HAO1: variants seen among roughly 807,000 people sequenced by gnomAD.
HAO1 encodes the protein hydroxyacid oxidase 1.
In HAO1, 34 loss-of-function variants were observed where a neutral mutation model predicts 39.7. That is an observed-to-expected ratio of 0.86 (90% CI 0.65 to 1.14). HAO1 has a LOEUF of 1.14. Among genes scored for constraint, HAO1 ranks in the 50% most tolerant of loss-of-function variants. The pLI is 0.00. For synonymous variants in HAO1, 172 were observed against 173.2 expected, an observed-to-expected ratio of 0.99 and a Z score of 0.05; for missense variants, 479 against 464.5, an observed-to-expected ratio of 1.03 and a Z score of -0.29.
intron 2 of HAO1, among the ~76,000 whole-genome samples, chr20:7,915,817 G>A (rs114581158): frequency 0.031 from 4,718 of 152,196 alleles, 204 homozygotes; most frequent in African/African-American, 0.1. Flanking sequence ...TATCAAATTT[G>A]TACAATTCTA....
At chr20:7,924,264 C>G (rs1360601681) in intron 2 of HAO1, among the ~76,000 whole-genome samples, 1 of 151,914 alleles carries the variant, frequency 6.6e-6, no homozygotes. Context: ...ATTTGTCCAG[C>G]TTCCTAGATC....
intron 3 of HAO1, among the ~76,000 whole-genome samples, chr20:7,908,485 A>G (rs2050259869): frequency 6.6e-6 from 1 of 152,136 alleles, no homozygotes; most frequent in Admixed American, 6.6e-5. Flanking sequence ...CTTTAATAGA[A>G]AACTATGATT....
intron 4 of HAO1, among the ~76,000 whole-genome samples, chr20:7,895,605 A>T (rs1365126718): frequency 1.3e-5 from 2 of 152,020 alleles, no homozygotes; most frequent in East Asian, 3.8e-4. Context: ...AAAAAAAAAA[A>T]AAACATAAAA....
rs538614577 is a variant in HAO1 at position 7,883,281 on chromosome 20, A to G, written c.*312T>C. 8.7e-6 allele frequency: 3 copies of G among 344,100 alleles called. No individual in the cohort carries two copies. Among genetic ancestry groups the G allele is most frequent in the Admixed American group, 4.1e-5 (1 of 24,664 alleles). The allele number at this position is 344,100 out of a possible 1,614,324, so 21.3% of individuals were successfully genotyped here. On this transcript the variant is annotated 3_prime_UTR_variant, in exon 8 of 8. Coordinates refer to ENST00000378789, the MANE Select transcript of HAO1 (RefSeq NM_017545.3). Reference sequence around the variant, plus strand: ...TTTCACCTTAGTGTTTGCTACCTCCAATTTTACTAAAGGATACAGCACTTT... The same window carrying G: ...TTTCACCTTAGTGTTTGCTACCTCCGATTTTACTAAAGGATACAGCACTTT...
intron 1 of HAO1, among the ~76,000 whole-genome samples, chr20:7,936,547 T>TGTGTGTGTG (rs751822933): frequency 8.6e-4 from 118 of 136,596 alleles, no homozygotes; most frequent in Middle Eastern, 4.0e-3. Context: ...TGTGTGTGTG[T>TGTGTGTGTG]TCGCGCGCGC....
chr20:7,929,878 G>A (rs992442681), intron 2 of HAO1, among the ~76,000 whole-genome samples: 4 of 152,018 alleles, frequency 2.6e-5, no homozygotes, highest in African/African-American at 7.2e-5. Context: ...AATAAGAGTC[G>A]AGCTCAGTTC....
intron 4 of HAO1, among the ~76,000 whole-genome samples, chr20:7,903,774 G>T (rs1424409104): frequency 6.7e-6 from 1 of 149,502 alleles, no homozygotes; most frequent in Non-Finnish European, 1.5e-5. Context: ...TGGTGATAAT[G>T]GTGATGGGAG....
intron 2 of HAO1, among the ~76,000 whole-genome samples, chr20:7,928,637 G>A (rs904571654): frequency 3.9e-5 from 6 of 152,008 alleles, no homozygotes; most frequent in Admixed American, 1.3e-4. Flanking sequence ...TCCTTGGGAC[G>A]TGGCATTCAA....
At chr20:7,899,965 A>T (rs1246719091) in intron 4 of HAO1, among the ~76,000 whole-genome samples, 1 of 152,118 alleles carries the variant, frequency 6.6e-6, no homozygotes, top group East Asian at 1.9e-4. Flanking sequence ...TTTAATTTAA[A>T]ACAAGGTATA....
At chr20:7,938,664 C>T (rs1243473015) in intron 1 of HAO1, among the ~76,000 whole-genome samples, 1 of 152,108 alleles carries the variant, frequency 6.6e-6, no homozygotes, top group South Asian at 2.1e-4. Flanking sequence ...TGCATCCTCT[C>T]TGAGACCTCC....
intron 3 of HAO1, among the ~76,000 whole-genome samples, chr20:7,911,493 C>G (rs1011117251): frequency 6.6e-6 from 1 of 152,184 alleles, no homozygotes; most frequent in Non-Finnish European, 1.5e-5. Context: ...TGCCCCAAAG[C>G]CTCAGGAATC....
chr20:7,934,575 A>G lies in HAO1; in HGVS notation c.198T>C (p.Val66=). The change falls in exon 2 of 8, where the codon GTT becomes GTC. Residue 66 remains valine, a synonymous_variant. Transcript: ENST00000378789. The part of the protein sequence containing the change: ...NVAETDLSTS[V]LGQRVSMPIC... ...TTGGCATGCTGACCCTCTGTCCTAA[A>G]ACAGAAGTCGACAGATCTGTTTCAG... The G allele has an allele frequency of 6.2e-7, 1 of 1,611,812 alleles. No homozygotes were observed. The highest frequency in any genetic ancestry group is 8.5e-7 in the Non-Finnish European group (1 of 1,177,988).
At chr20:7,909,379 G>GTATATATATATATATATA (rs869068490) in intron 3 of HAO1, among the ~76,000 whole-genome samples, 1 of 108,240 alleles carries the variant, frequency 9.2e-6, no homozygotes, top group Non-Finnish European at 1.7e-5. Context: ...ATATATATAT[G>GTATATATATATATATATA]TATATATATA....
intron 2 of HAO1, among the ~76,000 whole-genome samples, chr20:7,916,766 A>G (rs1345019492): frequency 6.6e-6 from 1 of 152,220 alleles, no homozygotes; most frequent in Non-Finnish European, 1.5e-5. Context: ...GTCAGTGGTT[A>G]GCTACAGAAG....
At chr20:7,884,932 A>C (rs1361452803) in intron 7 of HAO1, among the ~76,000 whole-genome samples, 2 of 152,164 alleles carry the variant, frequency 1.3e-5, no homozygotes, top group Admixed American at 6.6e-5. Context: ...TGTCCATGGG[A>C]TGAGAGACAA....
At chr20:7,925,556 A>G (rs1372571613) in intron 2 of HAO1, among the ~76,000 whole-genome samples, 1 of 152,152 alleles carries the variant, frequency 6.6e-6, no homozygotes, top group Admixed American at 6.6e-5. Context: ...ATTTTACTGA[A>G]TTGTCAAGTC....
At chr20:7,918,535 A>G (rs1201929212) in intron 2 of HAO1, among the ~76,000 whole-genome samples, 1 of 152,168 alleles carries the variant, frequency 6.6e-6, no homozygotes, top group Admixed American at 6.5e-5. Context: ...TTGTGCTTCA[A>G]TATGTCATCA....
rs1234035330 is a variant in HAO1 at position 7,940,448 on chromosome 20, T to A, written c.-26A>T. Reference sequence around the variant, plus strand: ...TTTCACAGGTTATTGCTATCCCAGATGGAGTTCGTTGTTTTTTTTTTTTTA... The same window carrying A: ...TTTCACAGGTTATTGCTATCCCAGAAGGAGTTCGTTGTTTTTTTTTTTTTA... On this transcript the variant is annotated 5_prime_UTR_variant, in exon 1 of 8. Transcript: ENST00000378789. 3 of 1,574,524 alleles carry A rather than the reference T, an allele frequency of 1.9e-6. No homozygotes were observed. The highest frequency in any genetic ancestry group is 1.4e-5 in the African/African-American group (1 of 71,692).
At chr20:7,897,226 GTTTAT>G (rs1216396996) in intron 4 of HAO1, among the ~76,000 whole-genome samples, 1 of 152,142 alleles carries the variant, frequency 6.6e-6, no homozygotes, top group Non-Finnish European at 1.5e-5. Flanking sequence ...ACAGTTTTAT[GTTTAT>G]TTTATCTCTT....
Sources: allele counts gnomAD v4.1 joint callset (sites outside exome capture counted in the v4.1 genomes callset), GRCh38; gene constraint gnomAD v4.1.1; transcripts MANE v1.5; gene names NCBI Gene and HGNC (gene_info 2026-07-23, HGNC 2026-07-21).